Variants in FAM135B observed in about 807,000 individuals in gnomAD.
The protein encoded by FAM135B is family with sequence similarity 135 member B, also known as protein FAM135B.
A neutral mutation model predicts 127.7 loss-of-function variants in FAM135B; 43 were observed. The ratio of observed to expected loss-of-function variants is 0.34; its 90% CI spans 0.26 to 0.43. FAM135B has a LOEUF of 0.43. FAM135B is among the 20% of genes least tolerant of loss of function. The pLI is 1.00. For missense variants in FAM135B, 1,558 were observed against 1,725.6 expected, an observed-to-expected ratio of 0.90 and a Z score of 1.72; for synonymous variants, 670 against 665.1, an observed-to-expected ratio of 1.01 and a Z score of -0.11.
chr8:138,242,774 T>C lies in FAM135B; in HGVS notation c.669+168A>G, dbSNP rs769275636. On this transcript the variant is annotated intron_variant, in intron 7 of 19. Coordinates refer to ENST00000395297, the MANE Select transcript of FAM135B (RefSeq NM_015912.4). This position sits in a 1 kb window ranked among gnomAD's most constrained non-coding sequence, Gnocchi z 9.6. ...GGCTTGGCCTTAGAAATATGTCTGATAGAGCTTGTAGTGATAAAAACAAGG... is the reference window on the plus strand; with the variant it reads ...GGCTTGGCCTTAGAAATATGTCTGACAGAGCTTGTAGTGATAAAAACAAGG... Among the ~76,000 whole-genome samples, 1 of 152,114 alleles carries C rather than the reference T, an allele frequency of 6.6e-6. No homozygotes were observed. Among genetic ancestry groups the C allele is most frequent in the Non-Finnish European group, 1.5e-5 (1 of 68,026 alleles).
chr8:138,449,918 T>G (rs1836399418), intron 1 of FAM135B, among the ~76,000 whole-genome samples: 1 of 152,152 alleles, frequency 6.6e-6, no homozygotes, highest in Non-Finnish European at 1.5e-5. Context: ...TACATAAATA[T>G]TATATAATCT....
At chr8:138,351,741 G>A (rs1005155460) in intron 2 of FAM135B, among the ~76,000 whole-genome samples, 1 of 146,422 alleles carries the variant, frequency 6.8e-6, no homozygotes, top group African/African-American at 2.6e-5. Context: ...TCAGGCTGGA[G>A]CGCAGTGGTA....
chr8:138,302,119 C>A (rs1455681016), intron 3 of FAM135B, among the ~76,000 whole-genome samples: 4 of 126,022 alleles, frequency 3.2e-5, no homozygotes, highest in African/African-American at 1.2e-4. Flanking sequence ...CTCACAAAAA[C>A]CACATGAAGG....
At chr8:138,398,015 C>A (rs188089807) in intron 1 of FAM135B, among the ~76,000 whole-genome samples, 2 of 152,104 alleles carry the variant, frequency 1.3e-5, no homozygotes, top group African/African-American at 4.8e-5. Flanking sequence ...GCCAGGGCAG[C>A]GGGAGCTCTC....
intron 11 of FAM135B, among the ~76,000 whole-genome samples, chr8:138,175,178 A>G (rs1056963025): frequency 1.3e-5 from 2 of 152,214 alleles, no homozygotes; most frequent in African/African-American, 4.8e-5. Flanking sequence ...AAACAAAAGC[A>G]TTAACCATAA....
chr8:138,421,058 T>G (rs556377065), intron 1 of FAM135B, among the ~76,000 whole-genome samples: 8 of 152,300 alleles, frequency 5.3e-5, no homozygotes, highest in Admixed American at 2.6e-4. Flanking sequence ...ACGCCTGTAA[T>G]CCCAGCACTT....
At chr8:138,419,095 C>T (rs947113337) in intron 1 of FAM135B, among the ~76,000 whole-genome samples, 1 of 152,128 alleles carries the variant, frequency 6.6e-6, no homozygotes, top group African/African-American at 2.4e-5. Context: ...AAACTGTATG[C>T]TGTCTTCAAG....
At chr8:138,392,712 T>A (rs1219549862) in intron 1 of FAM135B, among the ~76,000 whole-genome samples, 1 of 152,178 alleles carries the variant, frequency 6.6e-6, no homozygotes, top group Non-Finnish European at 1.5e-5. Context: ...ACTCTTTTAC[T>A]CTTTTTCAAC....
At chr8:138,402,329 T>C (rs1587358895) in intron 1 of FAM135B, among the ~76,000 whole-genome samples, 2 of 152,174 alleles carry the variant, frequency 1.3e-5, no homozygotes, top group Non-Finnish European at 2.9e-5. Flanking sequence ...TCGTGGGAAA[T>C]AGAATCCACA....
intron 9 of FAM135B, 132 bp downstream of exon 9, chr8:138,195,126 C>G (rs1816505070): frequency 1.3e-6 from 1 of 750,066 alleles, no homozygotes; most frequent in East Asian, 2.5e-5. Flanking sequence ...GAATATTTCT[C>G]CAGCTTGGTA....
At chr8:138,185,193 A>G (rs1815437325) in intron 9 of FAM135B, among the ~76,000 whole-genome samples, 1 of 152,210 alleles carries the variant, frequency 6.6e-6, no homozygotes, top group African/African-American at 2.4e-5. Flanking sequence ...AATAAAACCT[A>G]CATCACAGCA....
chr8:138,293,293 C>A (rs1197029993), intron 3 of FAM135B, among the ~76,000 whole-genome samples: 3 of 151,984 alleles, frequency 2.0e-5, no homozygotes, highest in Non-Finnish European at 4.4e-5. Context: ...GAAATCAGAA[C>A]AATTCTTGAA....
chr8:138,273,185 G>A (rs1823518955), intron 3 of FAM135B, among the ~76,000 whole-genome samples: 1 of 152,140 alleles, frequency 6.6e-6, no homozygotes, highest in Non-Finnish European at 1.5e-5. Context: ...GTGGAAGTGA[G>A]GAGTGGAAAA....
intron 2 of FAM135B, among the ~76,000 whole-genome samples, chr8:138,332,371 C>T (rs1382809991): frequency 6.6e-6 from 1 of 152,140 alleles, no homozygotes; most frequent in Non-Finnish European, 1.5e-5. Flanking sequence ...GCGTTTGCTA[C>T]AATACTGCAA....
chr8:138,149,380 C>T (rs1239825237), intron 13 of FAM135B, among the ~76,000 whole-genome samples: 1 of 152,082 alleles, frequency 6.6e-6, no homozygotes, highest in African/African-American at 2.4e-5. Flanking sequence ...TCCCCTGCTT[C>T]TCTAGCACCA....
chr8:138,262,771 G>A (rs181813093), intron 4 of FAM135B, among the ~76,000 whole-genome samples: 94 of 151,598 alleles, frequency 6.2e-4, no homozygotes, highest in African/African-American at 2.0e-3. Context: ...GCATGGTGGC[G>A]GGCCACTGTA....
At chr8:138,178,112 G>C (rs561566909) in intron 10 of FAM135B, among the ~76,000 whole-genome samples, 2 of 152,232 alleles carry the variant, frequency 1.3e-5, no homozygotes, top group East Asian at 3.9e-4. Flanking sequence ...GTCGGGTGTG[G>C]TGGTGTGAGC....
chr8:138,234,443 T>C (rs1314481720), intron 7 of FAM135B, among the ~76,000 whole-genome samples: 1 of 152,162 alleles, frequency 6.6e-6, no homozygotes, highest in Non-Finnish European at 1.5e-5. Flanking sequence ...TCATTCACAA[T>C]AGCTAAGATA....
intron 2 of FAM135B, among the ~76,000 whole-genome samples, chr8:138,320,721 C>T (rs2130942105): frequency 6.6e-6 from 1 of 152,240 alleles, no homozygotes; most frequent in East Asian, 1.9e-4. Flanking sequence ...ATCTCTGTAT[C>T]CCCAGAAACT....
Sources: allele counts gnomAD v4.1 joint callset (sites outside exome capture counted in the v4.1 genomes callset), GRCh38; gene constraint gnomAD v4.1.1; non-coding constraint Gnocchi (gnomAD v3.1); transcripts MANE v1.5; gene names NCBI Gene and HGNC (gene_info 2026-07-23, HGNC 2026-07-21).